Variants in UTRN observed in about 807,000 individuals in gnomAD.
UTRN encodes the protein dystrophin-related protein 1.
Under a neutral mutation model 463.9 loss-of-function variants are expected in UTRN, and 283 were observed. The observed-to-expected ratio is 0.61, with a 90% CI of 0.55 to 0.67. The LOEUF is 0.67. Among genes scored for constraint, UTRN ranks in the 30% least tolerant of loss-of-function variants. UTRN has a pLI of 0.00. For missense variants in UTRN, 3,922 were observed against 4,084.3 expected (o/e 0.96, Z 1.08); for synonymous variants, 1,442 against 1,431.5 (o/e 1.01, Z -0.17).
intron 2 of UTRN, among the ~76,000 whole-genome samples, chr6:144,308,927 C>T (rs910680344): frequency 3.9e-5 from 6 of 152,168 alleles, no homozygotes; most frequent in East Asian, 1.9e-4. Flanking sequence ...ATTTGCAGTT[C>T]GTCTCCTTTC....
At chr6:144,845,019 G>A (rs942921513) in intron 73 of UTRN, among the ~76,000 whole-genome samples, 7 of 152,190 alleles carry the variant, frequency 4.6e-5, no homozygotes, top group African/African-American at 7.2e-5. Flanking sequence ...TAACATGACC[G>A]TTTTTTAACT....
intron 48 of UTRN, 44 bp from the exon 49 acceptor site, chr6:144,554,631 CTTTCTCCTGAGGG>C: frequency 1.3e-6 from 2 of 1,566,830 alleles, no homozygotes; most frequent in Non-Finnish European, 1.7e-6. Flanking sequence ...GATATTTTTT[CTTTCTCCTGAGGG>C]TTACATGTTG....
At chr6:144,561,725 A>T (rs1799944471) in intron 50 of UTRN, among the ~76,000 whole-genome samples, 1 of 152,114 alleles carries the variant, frequency 6.6e-6, no homozygotes, top group African/African-American at 2.4e-5. Context: ...CTTGATTCTA[A>T]AGTGGAGAAC....
At chr6:144,832,630 A>G (rs1175016905) in intron 69 of UTRN, among the ~76,000 whole-genome samples, 2 of 152,212 alleles carry the variant, frequency 1.3e-5, no homozygotes, top group African/African-American at 2.4e-5. Context: ...ACTCTACGCC[A>G]GGATCTGTGG....
Position 144,533,108 on chromosome 6 carries a change from C to T in UTRN, c.6081C>T (p.Ser2027=), listed in dbSNP as rs1585152661. 22 of 1,610,106 alleles carry T rather than the reference C, an allele frequency of 1.4e-5. No individual in the cohort carries two copies. In the South Asian group the frequency reaches 1.4e-4, roughly 10 times the overall value. The change falls in exon 43 of 75, where the codon AGC becomes AGT. Residue 2027 remains serine (S), a synonymous_variant. Transcript: ENST00000367545. ...AGGAACTTGAGGTGGGCATCAGCAG[C>T]CACCAGCCCAGTTTTGCAGCACTAA... ...HQQELEVGIS[S]HQPSFAALNR...
chr6:144,369,447 TC>T (rs1163724168), intron 2 of UTRN, among the ~76,000 whole-genome samples: 1 of 152,152 alleles, frequency 6.6e-6, no homozygotes, highest in South Asian at 2.1e-4. Flanking sequence ...TAAAACCCCG[TC>T]TTTACTAAAA....
chr6:144,408,157 C>T (rs759798812), intron 3 of UTRN, among the ~76,000 whole-genome samples: 6 of 152,190 alleles, frequency 3.9e-5, no homozygotes, highest in Non-Finnish European at 7.3e-5. Flanking sequence ...TCATATACCT[C>T]GAATCTGTGA....
At position 144,819,911 on chromosome 6, in the gene UTRN, C is replaced by CCTCCTCCTCCTCT. The variant is rs11397588; in HGVS notation, c.9358-968_9358-967insCTCCTCCTCTCTC. 2.5e-3 allele frequency among the ~76,000 whole-genome samples: 299 copies of CCTCCTCCTCCTCT among 118,382 alleles called. 2 individuals are homozygous for CCTCCTCCTCCTCT. Among genetic ancestry groups the CCTCCTCCTCCTCT allele is most frequent in the East Asian group, 0.013 (41 of 3,094 alleles). 77.7% of individuals were successfully genotyped at this position (118,382 alleles called of 152,430 possible). On this transcript the variant is annotated intron_variant, in intron 65 of 74. Transcript: ENST00000367545. ...TCCTCCTCCTCCTCCTCCTCCTCCTCCTCTCTCTCTCTCTCTCTCTCTTTC... is the reference window on the plus strand; with the variant it reads ...TCCTCCTCCTCCTCCTCCTCCTCCTCCTCCTCCTCCTCTCTCTCTCTCTCTCTCTCTCTCTTTC...
intron 18 of UTRN, among the ~76,000 whole-genome samples, chr6:144,451,967 C>T (rs756386630): frequency 3.9e-5 from 6 of 152,108 alleles, no homozygotes; most frequent in Non-Finnish European, 7.4e-5. Context: ...GCTTTCCATG[C>T]TTATGTGTGT....
At chr6:144,767,863 T>C (rs1344850262) in intron 58 of UTRN, among the ~76,000 whole-genome samples, 3 of 152,186 alleles carry the variant, frequency 2.0e-5, no homozygotes, top group Non-Finnish European at 1.5e-5. Context: ...ATAATTATAA[T>C]TGGAATGGAA....
At chr6:144,430,967 G>A (rs975932002) in intron 9 of UTRN, among the ~76,000 whole-genome samples, 1 of 152,152 alleles carries the variant, frequency 6.6e-6, no homozygotes, top group African/African-American at 2.4e-5. Context: ...ATTGAGAAAT[G>A]AGGCCTGATT....
chr6:144,675,120 T>G lies in UTRN; in HGVS notation c.7480-3286T>G, dbSNP rs9386075. 0.049 allele frequency among the ~76,000 whole-genome samples: 7,423 copies of G among 152,324 alleles called. 787 individuals carry two copies. The East Asian group carries it at 0.51, about 10-fold the overall frequency. ...GAAAGATCTGGAACTCACGGGCTAC[T>G]GTTCAGATTCTTTTGCCCCATAAGA... On this transcript the variant is annotated intron_variant, in intron 51 of 74. Transcript: ENST00000367545.
chr6:144,614,197 G>T (rs1284826241), intron 51 of UTRN, among the ~76,000 whole-genome samples: 3 of 152,044 alleles, frequency 2.0e-5, no homozygotes, highest in African/African-American at 7.2e-5. Context: ...GCTTCTAAAA[G>T]GTGCTGTGGG....
At chr6:144,733,056 G>A (rs774887445) in intron 54 of UTRN, among the ~76,000 whole-genome samples, 4 of 152,062 alleles carry the variant, frequency 2.6e-5, no homozygotes, top group African/African-American at 7.2e-5. Flanking sequence ...ATGCAAACAT[G>A]CAGCAATTAG....
intron 51 of UTRN, among the ~76,000 whole-genome samples, chr6:144,614,734 GC>G (rs1291774285): frequency 1.3e-5 from 2 of 152,154 alleles, no homozygotes; most frequent in African/African-American, 4.8e-5. Context: ...ATGTGCTTTT[GC>G]ACAGTGGTGT....
chr6:144,539,584 A>G, intron 45 of UTRN, 141 bp downstream of exon 45: 1 of 852,314 alleles, frequency 1.2e-6, no homozygotes, highest in Non-Finnish European at 1.7e-6. Flanking sequence ...TATATTTTTT[A>G]TCTGTCATAG....
intron 65 of UTRN, among the ~76,000 whole-genome samples, chr6:144,804,581 A>G (rs1777979945): frequency 6.6e-6 from 1 of 152,172 alleles, no homozygotes; most frequent in Non-Finnish European, 1.5e-5. Flanking sequence ...CAAAAGAGGG[A>G]CTTGAGCAGA....
intron 58 of UTRN, among the ~76,000 whole-genome samples, chr6:144,761,985 C>T (rs1200762542): frequency 6.6e-6 from 1 of 152,102 alleles, no homozygotes; most frequent in Non-Finnish European, 1.5e-5. Flanking sequence ...TAATAATGAT[C>T]ATTGTAATAA....
intron 31 of UTRN, 129 bp downstream of exon 31, chr6:144,490,328 A>T (rs1348473170): frequency 1.2e-5 from 16 of 1,347,342 alleles, no homozygotes; most frequent in East Asian, 2.5e-5. Flanking sequence ...GGGAGTGATG[A>T]TGTGTTGAAG....
Sources: gnomAD v4.1 joint callset for allele counts (sites outside exome capture counted in the v4.1 genomes callset) on GRCh38, gnomAD v4.1.1 for gene constraint, MANE v1.5 for transcripts, NCBI Gene and HGNC (gene_info 2026-07-23, HGNC 2026-07-21) for gene names.